FILIP1: variants seen among roughly 807,000 people sequenced by gnomAD.
FILIP1 encodes the protein filamin A interacting protein 1.
In FILIP1, 61 loss-of-function variants were observed where a neutral mutation model predicts 102.1. The observed-to-expected ratio is 0.60, with a 90% confidence interval of 0.49 to 0.74. The LOEUF (loss-of-function observed/expected upper bound fraction) is 0.74. Among genes scored for constraint, FILIP1 ranks in the 30% least tolerant of loss-of-function variants. The pLI is 0.00. For synonymous variants in FILIP1, 491 were observed against 526.9 expected, an observed-to-expected ratio of 0.93 and a Z score of 0.93; for missense variants, 1,314 against 1,441.2, an observed-to-expected ratio of 0.91 and a Z score of 1.43.
intron 1 of FILIP1, among the ~76,000 whole-genome samples, chr6:75,462,787 G>A (rs1046297841): frequency 1.3e-5 from 2 of 152,126 alleles, no homozygotes; most frequent in African/African-American, 2.4e-5. Flanking sequence ...GCAGAGATGG[G>A]TCATTCTATA....
At chr6:75,296,526 G>A (rs1001415426) in intron 6 of FILIP1, 1 of 140,668 alleles carries the variant, frequency 7.1e-6, no homozygotes, top group Non-Finnish European at 1.5e-5. Context: ...TTTAGGTGGA[G>A]TCTCGCTCTG....
chr6:75,373,744 C>T (rs1368910354), intron 2 of FILIP1, among the ~76,000 whole-genome samples: 1 of 151,232 alleles, frequency 6.6e-6, no homozygotes, highest in African/African-American at 2.5e-5. Flanking sequence ...CGCAGTGGCT[C>T]AGGCCTATAA....
intron 1 of FILIP1, among the ~76,000 whole-genome samples, chr6:75,424,386 G>A (rs895331057): frequency 6.6e-6 from 1 of 151,968 alleles, no homozygotes; most frequent in Non-Finnish European, 1.5e-5. Flanking sequence ...TTTCTTCTAA[G>A]ACCACATTCT....
At chr6:75,298,782 GT>G (rs1772755629) in intron 6 of FILIP1, among the ~76,000 whole-genome samples, 1 of 152,066 alleles carries the variant, frequency 6.6e-6, no homozygotes, top group Non-Finnish European at 1.5e-5. Context: ...GCTGGGCGTG[GT>G]GGTGTGCACC....
chr6:75,443,481 T>C (rs1266561715), intron 1 of FILIP1, among the ~76,000 whole-genome samples: 1 of 152,222 alleles, frequency 6.6e-6, no homozygotes, highest in Admixed American at 6.5e-5. Flanking sequence ...CCCTGACTTG[T>C]AGTGAGTCAC....
rs1483010115 is a variant in FILIP1, at chr6:75,441,654, G to A, written c.-6-26676C>T. On this transcript the variant is annotated intron_variant, in intron 1 of 5. Transcript: ENST00000237172. ...TCCCGGACGGGGCGGCTGGCCGGGC[G>A]GGGGGCTGACGCCCCCACCTCCCTC... 5.1e-3 allele frequency among the ~76,000 whole-genome samples: 737 copies of A among 145,850 alleles called. 15 individuals are homozygous for A. Among genetic ancestry groups the A allele is most frequent in the African/African-American group, 0.018 (676 of 37,272 alleles).
intron 1 of FILIP1, among the ~76,000 whole-genome samples, chr6:75,416,995 TCA>T (rs1215828448): frequency 6.6e-6 from 1 of 152,114 alleles, no homozygotes; most frequent in Non-Finnish European, 1.5e-5. Context: ...TCTAAAAATT[TCA>T]TTCTGAAATT....
chr6:75,385,818 C>T (rs1056552425), intron 2 of FILIP1: 1 of 151,614 alleles, frequency 6.6e-6, no homozygotes, highest in Non-Finnish European at 1.5e-5. Context: ...ATATCATGGT[C>T]CCATTACTTG....
intron 6 of FILIP1, among the ~76,000 whole-genome samples, chr6:75,298,989 T>A (rs1381532919): frequency 6.6e-6 from 1 of 151,064 alleles, no homozygotes. Context: ...CTGAGGCACA[T>A]GGAGTCCATG....
intron 2 of FILIP1, among the ~76,000 whole-genome samples, chr6:75,401,520 G>A (rs926375969): frequency 6.6e-5 from 10 of 152,024 alleles, no homozygotes; most frequent in African/African-American, 2.4e-4. Flanking sequence ...CAGTAGCCAC[G>A]AGCCACAAGT....
At chr6:75,479,148 G>GT (rs145925065) in intron 1 of FILIP1, among the ~76,000 whole-genome samples, 1 of 152,142 alleles carries the variant, frequency 6.6e-6, no homozygotes, top group East Asian at 1.9e-4. Context: ...TATATTGGCT[G>GT]TTTTTTCATA....
intron 3 of FILIP1, among the ~76,000 whole-genome samples, chr6:75,361,299 G>T (rs1211711065): frequency 6.6e-6 from 1 of 152,184 alleles, no homozygotes; most frequent in African/African-American, 2.4e-5. Flanking sequence ...AGAACCCAGT[G>T]GATTGGAGGC....
intron 1 of FILIP1, among the ~76,000 whole-genome samples, chr6:75,428,827 C>T (rs1391107315): frequency 6.6e-6 from 1 of 151,896 alleles, no homozygotes; most frequent in Non-Finnish European, 1.5e-5. Context: ...TGTGTGTGTG[C>T]TTAATGAGAC....
chr6:75,470,138 C>T (rs1779286328), intron 1 of FILIP1, among the ~76,000 whole-genome samples: 2 of 151,938 alleles, frequency 1.3e-5, no homozygotes, highest in Non-Finnish European at 2.9e-5. Flanking sequence ...TTATTATTTA[C>T]AGAGAAAATG....
rs1378959593 is a variant in FILIP1 at position 75,493,505 on chromosome 6, G to T, written c.-98C>A. 2 of 152,194 alleles carry T rather than the reference G, an allele frequency of 1.3e-5. No individual in the cohort carries two copies. Among genetic ancestry groups the T allele is most frequent in the Admixed American group, 1.3e-4 (2 of 15,282 alleles). The allele number at this position is 152,194 out of a possible 1,614,324, so 9.4% of individuals were successfully genotyped here. ...GTGGCTTGTCTCACAGCCCAAGACAGATTCGAGTTCTCAAAAACTATCCAG... is the reference window on the plus strand; with the variant it reads ...GTGGCTTGTCTCACAGCCCAAGACATATTCGAGTTCTCAAAAACTATCCAG... On this transcript the variant is annotated 5_prime_UTR_variant, in exon 1 of 6. The change creates a new upstream start codon in the 5' untranslated region. Transcript: ENST00000237172.
chr6:75,466,010 C>T lies in FILIP1; in HGVS notation c.-7+27404G>A, dbSNP rs1231274971. ...TGCCAAGCATGTCCCCGGCTTAAGG[C>T]CCACCCAGGTTATTCTCTCTGCCTG... On this transcript the variant is annotated intron_variant, in intron 1 of 5. Transcript: ENST00000237172. Among the ~76,000 whole-genome samples the T allele has an allele frequency of 2.0e-5, 3 of 152,194 alleles. No individual in the cohort carries two copies. In the East Asian group the frequency reaches 5.8e-4, roughly 29 times the overall value.
At chr6:75,309,654 C>T (rs1004640707) in intron 5 of FILIP1, among the ~76,000 whole-genome samples, 4 of 152,146 alleles carry the variant, frequency 2.6e-5, no homozygotes, top group African/African-American at 9.7e-5. Context: ...CTGATGTTCC[C>T]CAGACATCTT....
intron 1 of FILIP1, among the ~76,000 whole-genome samples, chr6:75,422,269 C>A (rs959261389): frequency 6.6e-6 from 1 of 151,982 alleles, no homozygotes; most frequent in Non-Finnish European, 1.5e-5. Flanking sequence ...AATATATAAT[C>A]ATTGATTAAA....
At chr6:75,320,044 G>A (rs4275021) in intron 4 of FILIP1, 163,820 of 269,790 alleles carry the variant, frequency 0.61, 50,043 homozygotes, top group South Asian at 0.7. Flanking sequence ...CATTTGCCCC[G>A]GTGCTGTCTC....
Sources: gnomAD v4.1 joint callset for allele counts (sites outside exome capture counted in the v4.1 genomes callset) on GRCh38, gnomAD v4.1.1 for gene constraint, MANE v1.5 for transcripts, NCBI Gene and HGNC (gene_info 2026-07-23, HGNC 2026-07-21) for gene names.